The following CNTN5 variants were observed in gnomAD, a reference collection of about 807,000 sequenced individuals.
The protein encoded by CNTN5 is contactin 5.
In CNTN5, 77 loss-of-function variants were observed where a neutral mutation model predicts 129.1. That is an observed-to-expected ratio of 0.60 (90% CI 0.50 to 0.72). The LOEUF is 0.72. Ranked by LOEUF, CNTN5 falls within the 30% of genes least tolerant of loss-of-function variation. The pLI, the probability that CNTN5 is intolerant of heterozygous loss-of-function variation, is 0.00. For synonymous variants in CNTN5, 509 were observed against 465.6 expected, an observed-to-expected ratio of 1.09 and a Z score of -1.20; for missense variants, 1,478 against 1,328.8, an observed-to-expected ratio of 1.11 and a Z score of -1.75.
At chr11:100,244,559 A>T (rs1428494993) in intron 16 of CNTN5, among the ~76,000 whole-genome samples, 1 of 152,172 alleles carries the variant, frequency 6.6e-6, no homozygotes, top group Admixed American at 6.6e-5. Flanking sequence ...GGCCTTTTTT[A>T]AAATGAAGGT....
chr11:99,675,013 G>GGTTTT (rs141283660), intron 3 of CNTN5, among the ~76,000 whole-genome samples: 102,628 of 149,360 alleles, frequency 0.69, 36,686 homozygotes, highest in Middle Eastern at 0.8. Context: ...GCATTTTTCT[G>GGTTTT]GTTTTGTTTT....
At chr11:99,600,877 T>C (rs551799300) in intron 3 of CNTN5, among the ~76,000 whole-genome samples, 1 of 152,310 alleles carries the variant, frequency 6.6e-6, no homozygotes, top group South Asian at 2.1e-4. Flanking sequence ...TTGGGTCCAG[T>C]TGATCATTGT....
rs568161743 is a variant in CNTN5, at chr11:99,663,729, G to A, written c.55+107460G>A. Among the ~76,000 whole-genome samples, 7 of 152,130 alleles carry A rather than the reference G, an allele frequency of 4.6e-5. No individual in the cohort carries two copies. The East Asian group carries it at 5.8e-4, about 13-fold the overall frequency. On this transcript the variant is annotated intron_variant, in intron 3 of 24. Transcript: ENST00000524871. The stretch of plus-strand genomic sequence containing the variant: ...TTTGCTCTTTCTCTCAATTGCCACC[G>A]TGTAAGACGTGCCTGCTTCCCCTTC...
chr11:99,569,551 GTCCGCCTGC>G (rs1949113585), intron 3 of CNTN5, among the ~76,000 whole-genome samples: 1 of 151,964 alleles, frequency 6.6e-6, no homozygotes, highest in South Asian at 2.1e-4. Flanking sequence ...TGACCTTGTG[GTCCGCCTGC>G]CTCGGCCTCC....
At chr11:99,781,427 G>T (rs535089544) in intron 3 of CNTN5, among the ~76,000 whole-genome samples, 1 of 152,070 alleles carries the variant, frequency 6.6e-6, no homozygotes, top group African/African-American at 2.4e-5. Context: ...TTAAGAATGA[G>T]AAGTGGCCAA....
intron 2 of CNTN5, among the ~76,000 whole-genome samples, chr11:99,531,874 G>C (rs1947720209): frequency 6.6e-6 from 1 of 152,166 alleles, no homozygotes; most frequent in South Asian, 2.1e-4. Flanking sequence ...TTTCCTGTAG[G>C]GGCGGGGCCC....
chr11:99,393,814 G>GA, intron 2 of CNTN5, among the ~76,000 whole-genome samples: 1 of 151,688 alleles, frequency 6.6e-6, no homozygotes, highest in Non-Finnish European at 1.5e-5. Context: ...AACAATGTGG[G>GA]AAAAAAATTT....
At chr11:99,757,284 T>C (rs561289228) in intron 3 of CNTN5, among the ~76,000 whole-genome samples, 6 of 151,930 alleles carry the variant, frequency 3.9e-5, no homozygotes, top group Non-Finnish European at 8.8e-5. Flanking sequence ...TATAAGGACC[T>C]ATACTATAAG....
intron 16 of CNTN5, among the ~76,000 whole-genome samples, chr11:100,247,765 T>C (rs1003494058): frequency 2.6e-5 from 4 of 151,526 alleles, no homozygotes; most frequent in East Asian, 1.9e-4. Context: ...ATGAAAAGTC[T>C]AGTCACATTA....
In CNTN5 at chr11:99,876,057, T is replaced by A. The variant is rs548352121; in HGVS notation, c.577+30795T>A. Reference sequence around the variant, plus strand: ...ATAATGAGTGAAATACTACATATCATCTCCTGCTGAAAGGCATCAAATAAG... The same window carrying A: ...ATAATGAGTGAAATACTACATATCAACTCCTGCTGAAAGGCATCAAATAAG... On this transcript the variant is annotated intron_variant, in intron 6 of 24. Transcript: ENST00000524871. 2.8e-4 allele frequency among the ~76,000 whole-genome samples: 42 copies of A among 152,226 alleles called. 1 individual carries two copies. In the South Asian group the frequency reaches 8.7e-3, roughly 32 times the overall value.
chr11:100,329,754 C>T (rs1404147457), intron 21 of CNTN5, among the ~76,000 whole-genome samples: 1 of 152,170 alleles, frequency 6.6e-6, no homozygotes, highest in Admixed American at 6.5e-5. Context: ...TTCTCAGGAA[C>T]CCTTATTGCT....
chr11:99,983,850 A>T (rs1381360139), intron 8 of CNTN5, among the ~76,000 whole-genome samples: 1 of 152,192 alleles, frequency 6.6e-6, no homozygotes, highest in Non-Finnish European at 1.5e-5. Context: ...GAAAAACTAA[A>T]GGGAAATTTG....
At chr11:99,559,158 A>C (rs1419912049) in intron 3 of CNTN5, among the ~76,000 whole-genome samples, 2 of 152,058 alleles carry the variant, frequency 1.3e-5, no homozygotes, top group Non-Finnish European at 2.9e-5. Flanking sequence ...GCTGTATATG[A>C]ATGTCACATT....
rs575548282 is a variant in CNTN5 at position 100,226,930 on chromosome 11, T to C, written c.2005+2118T>C. Among the ~76,000 whole-genome samples the C allele has an allele frequency of 4.6e-5, 7 of 152,172 alleles. 1 individual carries two copies. In the South Asian group the frequency reaches 1.0e-3, roughly 23 times the overall value. On this transcript the variant is annotated intron_variant, in intron 16 of 24. Coordinates refer to ENST00000524871, the MANE Select transcript of CNTN5 (RefSeq NM_014361.4). ...GGTCTGTAAACTCATGGTATTCTAA[T>C]AGTATATGCCACAGGACCAAAGTTG... is the stretch of plus-strand genomic sequence containing the variant.
chr11:99,797,791 T>G (rs1426916455), intron 3 of CNTN5, among the ~76,000 whole-genome samples: 1 of 152,148 alleles, frequency 6.6e-6, no homozygotes, highest in Non-Finnish European at 1.5e-5. Context: ...GTCCCACTTG[T>G]CAATTTTTGT....
chr11:99,489,526 A>G (rs1945951590), intron 2 of CNTN5, among the ~76,000 whole-genome samples: 2 of 152,322 alleles, frequency 1.3e-5, no homozygotes, highest in South Asian at 4.1e-4. Flanking sequence ...AAGGAATCTC[A>G]GCATTGCTTT....
intron 6 of CNTN5, among the ~76,000 whole-genome samples, chr11:99,857,029 T>C (rs1948059115): frequency 6.6e-6 from 1 of 150,830 alleles, no homozygotes; most frequent in African/African-American, 2.4e-5. Flanking sequence ...TATCTATCTC[T>C]ATCTCCCTCT....
At position 100,275,488 on chromosome 11, in the gene CNTN5, T is replaced by C. The variant is rs1950490321; in HGVS notation, c.2314+4247T>C. 2.0e-5 allele frequency among the ~76,000 whole-genome samples: 3 copies of C among 152,038 alleles called. No individual in the cohort carries two copies. The South Asian group carries it at 6.2e-4, about 31-fold the overall frequency. On this transcript the variant is annotated intron_variant, in intron 18 of 24. Coordinates refer to ENST00000524871, the MANE Select transcript of CNTN5 (RefSeq NM_014361.4). ...TACTGACTAATTCAGAGGCTCTCTATAAATATTCATTTCAAAAATAAATAA... is the reference window on the plus strand; with the variant it reads ...TACTGACTAATTCAGAGGCTCTCTACAAATATTCATTTCAAAAATAAATAA...
chr11:99,958,401 C>G (rs959124176), intron 8 of CNTN5, among the ~76,000 whole-genome samples: 1 of 152,096 alleles, frequency 6.6e-6, no homozygotes, highest in Non-Finnish European at 1.5e-5. Flanking sequence ...TTCTCCTCAT[C>G]AGAAAAGAAC....
Sources: gnomAD v4.1 joint callset for allele counts (sites outside exome capture counted in the v4.1 genomes callset) on GRCh38, gnomAD v4.1.1 for gene constraint, MANE v1.5 for transcripts, NCBI Gene and HGNC (gene_info 2026-07-23, HGNC 2026-07-21) for gene names.